The following RORA variants were observed in gnomAD, a reference collection of about 807,000 sequenced individuals.
The protein encoded by RORA is RAR related orphan receptor A.
A neutral mutation model predicts 69.5 loss-of-function variants in RORA; 7 were observed. The ratio of observed to expected loss-of-function variants is 0.10; its 90% CI spans 0.06 to 0.19. RORA has a LOEUF of 0.19. RORA is among the 10% of genes least tolerant of loss of function. The pLI, the probability that RORA is intolerant of heterozygous loss-of-function variation, is 1.00. For missense variants in RORA, 457 were observed against 663.0 expected, an observed-to-expected ratio of 0.69 and a Z score of 3.41; for synonymous variants, 261 against 240.8, an observed-to-expected ratio of 1.08 and a Z score of -0.78.
At chr15:60,972,940 C>G (rs549801154) in intron 1 of RORA, among the ~76,000 whole-genome samples, 72 of 152,016 alleles carry the variant, frequency 4.7e-4, no homozygotes, top group African/African-American at 1.7e-3. Context: ...ATTCAAGATC[C>G]CCTTCTCTCT....
chr15:60,532,662 C>T (rs1272617943), intron 2 of RORA, among the ~76,000 whole-genome samples: 2 of 151,950 alleles, frequency 1.3e-5, no homozygotes, highest in Non-Finnish European at 2.9e-5. Context: ...TTAAAAAGAG[C>T]ATAATTAAGG....
At chr15:60,518,610 T>G (rs1351998906) in intron 3 of RORA, among the ~76,000 whole-genome samples, 1 of 152,204 alleles carries the variant, frequency 6.6e-6, no homozygotes, top group African/African-American at 2.4e-5. Flanking sequence ...CTCGCCATGA[T>G]TCCCCTGCCC....
At chr15:60,715,408 C>T (rs923830825) in intron 1 of RORA, among the ~76,000 whole-genome samples, 2 of 152,194 alleles carry the variant, frequency 1.3e-5, no homozygotes, top group African/African-American at 2.4e-5. Flanking sequence ...AGTGTCCCAG[C>T]GACAGGCTGG....
intron 2 of RORA, among the ~76,000 whole-genome samples, chr15:60,635,118 A>G (rs1596083624): frequency 6.6e-6 from 1 of 152,208 alleles, no homozygotes; most frequent in Admixed American, 6.5e-5. Flanking sequence ...TGCCGCCACC[A>G]TGACTCTGCA....
At chr15:61,105,071 G>A (rs748162057) in intron 1 of RORA, among the ~76,000 whole-genome samples, 5 of 149,508 alleles carry the variant, frequency 3.3e-5, no homozygotes, top group Non-Finnish European at 7.4e-5. Flanking sequence ...CCAGTCTTGG[G>A]TATGTCTTTG....
At chr15:61,219,167 T>TA (rs1429559071) in intron 1 of RORA, among the ~76,000 whole-genome samples, 1 of 152,194 alleles carries the variant, frequency 6.6e-6, no homozygotes, top group Non-Finnish European at 1.5e-5. Context: ...CCAGTGGGGT[T>TA]AAAAAATAAC....
At chr15:61,164,494 C>G (rs919416155) in intron 1 of RORA, among the ~76,000 whole-genome samples, 1 of 152,170 alleles carries the variant, frequency 6.6e-6, no homozygotes, top group African/African-American at 2.4e-5. Context: ...ACAGGTCCTG[C>G]TTGTATGAAA....
intron 1 of RORA, among the ~76,000 whole-genome samples, chr15:60,899,412 G>T (rs1199474274): frequency 2.0e-5 from 3 of 152,210 alleles, no homozygotes; most frequent in Non-Finnish European, 4.4e-5. Context: ...GATAGGAAAT[G>T]ACATGCTTAC....
intron 1 of RORA, chr15:60,847,877 A>T (rs777421489): frequency 2.0e-5 from 3 of 152,246 alleles, no homozygotes; most frequent in Admixed American, 2.0e-4. Context: ...ACCAGACAGC[A>T]CTGCTCTAAA....
At chr15:60,528,629 T>C (rs958062287) in intron 3 of RORA, 7 of 152,320 alleles carry the variant, frequency 4.6e-5, no homozygotes, top group Middle Eastern at 3.4e-3. Flanking sequence ...ACTATATCCA[T>C]AGATGTCCCA....
intron 2 of RORA, among the ~76,000 whole-genome samples, chr15:60,559,843 G>A (rs1278734557): frequency 6.6e-6 from 1 of 152,150 alleles, no homozygotes; most frequent in African/African-American, 2.4e-5. Flanking sequence ...ACCTAAGCGA[G>A]GCCAGTTTCA....
intron 1 of RORA, among the ~76,000 whole-genome samples, chr15:60,924,673 A>G (rs1595819948): frequency 6.6e-6 from 1 of 152,206 alleles, no homozygotes; most frequent in African/African-American, 2.4e-5. Flanking sequence ...ACTAAACCAC[A>G]GGGCGGTGCG....
chr15:60,578,696 G>C (rs958970328), intron 2 of RORA, among the ~76,000 whole-genome samples: 7 of 151,936 alleles, frequency 4.6e-5, no homozygotes, highest in East Asian at 1.9e-4. Flanking sequence ...AAAAGGTATG[G>C]ACTTGAGGGT....
chr15:60,670,584 T>C, intron 2 of RORA, among the ~76,000 whole-genome samples: 1 of 152,124 alleles, frequency 6.6e-6, no homozygotes, highest in East Asian at 1.9e-4. Context: ...AGTTGATGCC[T>C]AGGAGACATA....
intron 2 of RORA, among the ~76,000 whole-genome samples, chr15:60,581,403 A>T (rs1013843166): frequency 6.6e-6 from 1 of 152,210 alleles, no homozygotes; most frequent in Non-Finnish European, 1.5e-5. Flanking sequence ...CTATCAAACC[A>T]ATTGTTTTGT....
chr15:60,756,494 G>C (rs747175599), intron 1 of RORA, among the ~76,000 whole-genome samples: 1 of 152,134 alleles, frequency 6.6e-6, no homozygotes, highest in African/African-American at 2.4e-5. Context: ...TTCTTCACTG[G>C]ATTTCAGAAT....
intron 2 of RORA, among the ~76,000 whole-genome samples, chr15:60,631,182 C>G (rs900258954): frequency 6.6e-6 from 1 of 152,196 alleles, no homozygotes; most frequent in African/African-American, 2.4e-5. Context: ...AGCCATTGCA[C>G]CCGGCCAGCA....
intron 2 of RORA, chr15:60,677,034 A>G (rs1197601778): frequency 2.7e-6 from 1 of 366,134 alleles, no homozygotes; most frequent in Non-Finnish European, 5.7e-6. Flanking sequence ...AGCTTTCTGT[A>G]CATTGCCAGG....
In RORA at chr15:60,727,225, G is replaced by T. The variant is rs115146625; in HGVS notation, c.167-48539C>A. ...GTTTTTTGGCAAGAATAGCTCAAAA[G>T]TCAACCATTCTTGTGCCTCCTTCCC... On this transcript the variant is annotated intron_variant, in intron 1 of 10. Transcript: ENST00000335670. Among the ~76,000 whole-genome samples the T allele has an allele frequency of 4.2e-3, 638 of 152,292 alleles. 7 individuals are homozygous for T. Among genetic ancestry groups the T allele is most frequent in the African/African-American group, 0.015 (621 of 41,540 alleles).
Sources: gnomAD v4.1 joint callset for allele counts (sites outside exome capture counted in the v4.1 genomes callset) on GRCh38, gnomAD v4.1.1 for gene constraint, MANE v1.5 for transcripts, NCBI Gene and HGNC (gene_info 2026-07-23, HGNC 2026-07-21) for gene names.